Variants in DNAJC27 observed in about 807,000 individuals in gnomAD.
DNAJC27 encodes dnaJ homolog subfamily C member 27.
In DNAJC27, 25 loss-of-function variants were observed where a neutral mutation model predicts 31.4. That is an observed-to-expected ratio of 0.80 (90% confidence interval 0.58 to 1.11). The LOEUF is 1.11. Among genes scored for constraint, DNAJC27 ranks in the 50% most tolerant of loss-of-function variants. The pLI, the probability that DNAJC27 is intolerant of heterozygous loss-of-function variation, is 0.00. For synonymous variants in DNAJC27, 106 were observed against 112.7 expected (o/e 0.94, Z 0.37); for missense variants, 356 against 347.3 (o/e 1.02, Z -0.20).
intron 5 of DNAJC27, among the ~76,000 whole-genome samples, chr2:24,952,640 G>C (rs1302060765): frequency 6.6e-6 from 1 of 152,018 alleles, no homozygotes; most frequent in African/African-American, 2.4e-5. Flanking sequence ...TTGAGAAAGA[G>C]TATATGCGCA....
chr2:24,947,675 C>T lies in DNAJC27; in HGVS notation c.763G>A (p.Glu255Lys). Residue 255 changes from glutamate (E) to lysine (K), a missense_variant, in exon 7 of 7, where the codon GAA becomes AAA. Coordinates refer to ENST00000264711, the MANE Select transcript of DNAJC27 (RefSeq NM_016544.3). ...HPDKCVAPGS[E>K]DAFKAVVNAR... Reference sequence around the variant, plus strand: ...TTCACAACTGCTTTGAAGGCATCTTCACTGCCAGGTGCTACACATTTGTCA... The same window carrying T: ...TTCACAACTGCTTTGAAGGCATCTTTACTGCCAGGTGCTACACATTTGTCA... 6 of 1,613,370 alleles carry T rather than the reference C, an allele frequency of 3.7e-6. No individual in the cohort carries two copies. The highest frequency in any genetic ancestry group is 4.2e-6 in the Non-Finnish European group (5 of 1,179,368).
intron 2 of DNAJC27, 91 bp from the exon 3 acceptor site, chr2:24,963,565 A>G (rs144719716): frequency 1.9e-6 from 2 of 1,048,626 alleles, no homozygotes; most frequent in Non-Finnish European, 1.4e-6. Flanking sequence ...GGATATGTGT[A>G]TGCAATTTAA....
intron 6 of DNAJC27, among the ~76,000 whole-genome samples, chr2:24,949,426 G>A (rs1035080108): frequency 2.0e-5 from 3 of 152,208 alleles, no homozygotes; most frequent in Non-Finnish European, 4.4e-5. Context: ...TGCCTTTCAA[G>A]ATTTGCAGGT....
At chr2:24,950,338 A>G (rs943934071) in intron 6 of DNAJC27, among the ~76,000 whole-genome samples, 1 of 152,258 alleles carries the variant, frequency 6.6e-6, no homozygotes. Flanking sequence ...TTCTTTTGTG[A>G]GAATCAAGGT....
At chr2:24,958,536 C>A in intron 3 of DNAJC27, 1 of 402,978 alleles carries the variant, frequency 2.5e-6, no homozygotes, top group Non-Finnish European at 5.2e-6. Flanking sequence ...TCTGGGTTCA[C>A]ACTTACTTAC....
At chr2:24,959,456 G>GACAGCTT (rs1466725438) in intron 3 of DNAJC27, among the ~76,000 whole-genome samples, 2 of 152,204 alleles carry the variant, frequency 1.3e-5, no homozygotes, top group African/African-American at 4.8e-5. Flanking sequence ...TCTTCCAGCT[G>GACAGCTT]AATGTCCTGT....
In DNAJC27 at chr2:24,957,990, C is replaced by A. The variant is rs1558553291; in HGVS notation, c.241-16G>T. On this transcript the variant is annotated splice_polypyrimidine_tract_variant and intron_variant, in intron 3 of 6. Transcript: ENST00000264711. ...CATTTCGAACCTTCAAATAAAAGGA[C>A]AGATACACAAAACGTAGTTTTTGTG... 2 of 1,604,710 alleles carry A rather than the reference C, an allele frequency of 1.2e-6. No individual in the cohort carries two copies. Among genetic ancestry groups the A allele is most frequent in the Non-Finnish European group, 8.5e-7 (1 of 1,174,860 alleles).
intron 6 of DNAJC27, among the ~76,000 whole-genome samples, chr2:24,948,668 C>T (rs1665701194): frequency 6.6e-6 from 1 of 152,220 alleles, no homozygotes; most frequent in South Asian, 2.1e-4. Flanking sequence ...GAGCTGCAGG[C>T]TTCTGAGCTC....
intron 2 of DNAJC27, among the ~76,000 whole-genome samples, chr2:24,964,502 C>T (rs1666129445): frequency 6.6e-6 from 1 of 151,866 alleles, no homozygotes; most frequent in Admixed American, 6.6e-5. Context: ...TTATTCCAGG[C>T]CAACAGGTAG....
At chr2:24,962,580 C>T (rs1287864515) in intron 3 of DNAJC27, among the ~76,000 whole-genome samples, 1 of 152,096 alleles carries the variant, frequency 6.6e-6, no homozygotes, top group Non-Finnish European at 1.5e-5. Flanking sequence ...CTAAATAACT[C>T]ATACATCAAA....
chr2:24,949,305 T>G, intron 6 of DNAJC27, among the ~76,000 whole-genome samples: 1 of 152,154 alleles, frequency 6.6e-6, no homozygotes, highest in Admixed American at 6.5e-5. Context: ...TACAGCATCC[T>G]CCCTCTTCCC....
chr2:24,964,710 A>G (rs1666134899), intron 2 of DNAJC27, among the ~76,000 whole-genome samples: 1 of 152,168 alleles, frequency 6.6e-6, no homozygotes, highest in Admixed American at 6.5e-5. Flanking sequence ...CATCTCTTCC[A>G]AAAAAATTTC....
chr2:24,950,087 T>A (rs1573107272), intron 6 of DNAJC27, among the ~76,000 whole-genome samples: 1 of 141,150 alleles, frequency 7.1e-6, no homozygotes, highest in Non-Finnish European at 1.5e-5. Context: ...AACCAAAGAG[T>A]ATAGCACTGA....
At chr2:24,950,074 A>G (rs889639465) in intron 6 of DNAJC27, among the ~76,000 whole-genome samples, 2 of 151,900 alleles carry the variant, frequency 1.3e-5, no homozygotes, top group African/African-American at 4.8e-5. Flanking sequence ...AAAATCTACA[A>G]TAAACCAAAG....
At position 24,944,831 on chromosome 2, in the gene DNAJC27, A is replaced by G. The variant is rs927853132; in HGVS notation, c.*2785T>C. ...AGGTAGGTTAGAAGATGAATTTGAA[A>G]TGCCTCCAGGGATTTCTAACAAGTT... On this transcript the variant is annotated 3_prime_UTR_variant, in exon 7 of 7. Coordinates refer to ENST00000264711, the MANE Select transcript of DNAJC27 (RefSeq NM_016544.3). The G allele has an allele frequency of 1.3e-5, 2 of 152,688 alleles. No individual in the cohort carries two copies. Among genetic ancestry groups the G allele is most frequent in the African/African-American group, 4.8e-5 (2 of 41,468 alleles). 9.5% of individuals were successfully genotyped at this position (152,688 alleles called of 1,614,324 possible).
chr2:24,951,987 C>T (rs533353333), intron 5 of DNAJC27, among the ~76,000 whole-genome samples: 16 of 152,080 alleles, frequency 1.1e-4, no homozygotes, highest in Admixed American at 8.5e-4. Context: ...TGGTGGTGCA[C>T]GCCTGTAGTC....
intron 1 of DNAJC27, among the ~76,000 whole-genome samples, chr2:24,967,588 T>C (rs1412132450): frequency 6.6e-6 from 1 of 151,900 alleles, no homozygotes; most frequent in Non-Finnish European, 1.5e-5. Flanking sequence ...TAATCCCAGC[T>C]ACTCGGGAAG....
At chr2:24,967,998 G>A (rs956363788) in intron 1 of DNAJC27, among the ~76,000 whole-genome samples, 20 of 145,662 alleles carry the variant, frequency 1.4e-4, no homozygotes, top group Non-Finnish European at 2.1e-4. Context: ...GCTGCAGTGA[G>A]CCACGATGAT....
chr2:24,948,331 A>C (rs1665692746), intron 6 of DNAJC27, among the ~76,000 whole-genome samples: 1 of 152,170 alleles, frequency 6.6e-6, no homozygotes, highest in Non-Finnish European at 1.5e-5. Context: ...GTTTAGATTA[A>C]GGTATTTATG....
Sources: gnomAD v4.1 joint callset for allele counts (sites outside exome capture counted in the v4.1 genomes callset) on GRCh38, gnomAD v4.1.1 for gene constraint, MANE v1.5 for transcripts, NCBI Gene and HGNC (gene_info 2026-07-23, HGNC 2026-07-21) for gene names.